The following TNIK variants were observed in gnomAD, a reference collection of about 807,000 sequenced individuals.
The protein encoded by TNIK is TRAF2 and NCK interacting kinase.
In TNIK, 49 loss-of-function variants were observed where a neutral mutation model predicts 191.3. The ratio of observed to expected loss-of-function variants is 0.26; its 90% CI spans 0.20 to 0.32. TNIK has a LOEUF of 0.32. Ranked by LOEUF, TNIK falls within the 10% of genes least tolerant of loss-of-function variation. The pLI, the probability that TNIK is intolerant of heterozygous loss-of-function variation, is 1.00. For missense variants in TNIK, 1,155 were observed against 1,702.3 expected (o/e 0.68, Z 5.66); for synonymous variants, 594 against 600.9 (o/e 0.99, Z 0.17).
Position 171,061,080 on chromosome 3 carries a change from A to G in TNIK, c.*2801T>C, listed in dbSNP as rs1414825641. Among the ~76,000 whole-genome samples, 1 of 152,136 alleles carries G rather than the reference A, an allele frequency of 6.6e-6. No homozygotes were observed. Among genetic ancestry groups the G allele is most frequent in the Non-Finnish European group, 1.5e-5 (1 of 68,012 alleles). On this transcript the variant is annotated 3_prime_UTR_variant, in exon 33 of 33. Transcript: ENST00000436636. ...AGCAACCGTTCCTCCCCTACCCCCA[A>G]AAAGAATTAAGGCAATTCAGAAAGT...
At chr3:171,246,828 T>C (rs1745645470) in intron 2 of TNIK, among the ~76,000 whole-genome samples, 1 of 152,170 alleles carries the variant, frequency 6.6e-6, no homozygotes, top group African/African-American at 2.4e-5. Context: ...GAAGTTGATA[T>C]TATGATGCGC....
chr3:171,088,585 C>A (rs911758936), intron 23 of TNIK, among the ~76,000 whole-genome samples: 2 of 152,272 alleles, frequency 1.3e-5, no homozygotes, highest in African/African-American at 4.8e-5. Context: ...AAATGTATGA[C>A]TTGTGAATAA....
At chr3:171,067,974 T>C (rs1576887258) in intron 30 of TNIK, among the ~76,000 whole-genome samples, 1 of 152,188 alleles carries the variant, frequency 6.6e-6, no homozygotes, top group Admixed American at 6.5e-5. Context: ...CTTTTAGTTA[T>C]TGCGTTTCAT....
chr3:171,400,573 A>AATAAATAAATAAATAAATAAATAC (rs1720805642), intron 1 of TNIK, among the ~76,000 whole-genome samples: 3 of 57,372 alleles, frequency 5.2e-5, no homozygotes, highest in Admixed American at 1.3e-4. Flanking sequence ...CCTATCTCAC[A>AATAAATAAATAAATAAATAAATAC]ATAAATAAAT....
intron 2 of TNIK, among the ~76,000 whole-genome samples, chr3:171,334,378 G>C (rs964311297): frequency 6.6e-6 from 1 of 152,150 alleles, no homozygotes; most frequent in African/African-American, 2.4e-5. Flanking sequence ...TGTTGGAAAA[G>C]ATGCCTGGGA....
At chr3:171,300,870 T>C (rs1413148062) in intron 2 of TNIK, among the ~76,000 whole-genome samples, 1 of 152,174 alleles carries the variant, frequency 6.6e-6, no homozygotes, top group African/African-American at 2.4e-5. Flanking sequence ...CCGTTTCCAC[T>C]CTTTCCTGGT....
At position 171,422,046 on chromosome 3, in the gene TNIK, CTT is replaced by C. The variant is rs1723872047; in HGVS notation, c.57+37959_57+37960del. On this transcript the variant is annotated intron_variant, in intron 1 of 32. Coordinates refer to ENST00000436636, the MANE Select transcript of TNIK (RefSeq NM_015028.4). ...CGCCCGACCAGTTGTGTAAATGAGA[CTT>C]AACTTTTCTGTGCTTTGTCTGTAAA... Among the ~76,000 whole-genome samples the C allele has an allele frequency of 2.6e-5, 4 of 152,080 alleles. No individual in the cohort carries two copies. In the South Asian group the frequency reaches 8.3e-4, roughly 32 times the overall value.
At position 171,256,168 on chromosome 3, in the gene TNIK, C is replaced by T. The variant is rs915097643; in HGVS notation, c.124-27947G>A. On this transcript the variant is annotated intron_variant, in intron 2 of 32. Transcript: ENST00000436636. Reference sequence around the variant, plus strand: ...CATGGCTGTTGTTTCGGGGTTTTTCCAAGCCTTGTTTTTTTTCATCAATTA... The same window carrying T: ...CATGGCTGTTGTTTCGGGGTTTTTCTAAGCCTTGTTTTTTTTCATCAATTA... Among the ~76,000 whole-genome samples the T allele has an allele frequency of 5.9e-5, 9 of 152,070 alleles. No individual in the cohort carries two copies. In the South Asian group the frequency reaches 1.2e-3, roughly 21 times the overall value.
intron 1 of TNIK, among the ~76,000 whole-genome samples, chr3:171,387,771 A>G (rs369157248): frequency 6.6e-6 from 1 of 152,206 alleles, no homozygotes. Context: ...ATTTCAAACC[A>G]CTAGGAGTGA....
intron 2 of TNIK, among the ~76,000 whole-genome samples, chr3:171,351,744 T>A (rs370205456): frequency 1.3e-5 from 2 of 152,182 alleles, no homozygotes; most frequent in Non-Finnish European, 2.9e-5. Context: ...ACTGCCAGAA[T>A]TGAGATCTCC....
chr3:171,093,056 G>A (rs1455577924), intron 23 of TNIK, among the ~76,000 whole-genome samples: 1 of 152,158 alleles, frequency 6.6e-6, no homozygotes, highest in Admixed American at 6.5e-5. Flanking sequence ...ATGGATGCAG[G>A]GAGAGGTCAG....
intron 25 of TNIK, 84 bp from the exon 26 acceptor site, chr3:171,084,409 CT>C: frequency 6.8e-7 from 1 of 1,465,434 alleles, no homozygotes; most frequent in South Asian, 1.4e-5. Flanking sequence ...ATGATTTCTC[CT>C]TGTTTGGTTT....
chr3:171,334,463 C>G (rs1756748414), intron 2 of TNIK, among the ~76,000 whole-genome samples: 1 of 152,174 alleles, frequency 6.6e-6, no homozygotes, highest in Admixed American at 6.5e-5. Context: ...CATCAGAGAC[C>G]TGCGAGGACC....
intron 2 of TNIK, among the ~76,000 whole-genome samples, chr3:171,367,127 A>G (rs1430360732): frequency 1.3e-5 from 2 of 152,216 alleles, no homozygotes; most frequent in African/African-American, 4.8e-5. Flanking sequence ...GATTTTATGT[A>G]TAAGGACCTC....
chr3:171,135,468 A>G (rs1729854984), intron 15 of TNIK, among the ~76,000 whole-genome samples: 1 of 152,224 alleles, frequency 6.6e-6, no homozygotes, highest in Admixed American at 6.5e-5. Flanking sequence ...CTCTCCTTCT[A>G]TCAACTAAAT....
At chr3:171,121,902 G>A (rs555771287) in intron 18 of TNIK, among the ~76,000 whole-genome samples, 44 of 151,930 alleles carry the variant, frequency 2.9e-4, no homozygotes, top group South Asian at 1.2e-3. Context: ...CCCAATCTCT[G>A]TCTTTCATTA....
chr3:171,263,721 CATT>C (rs939028705), intron 2 of TNIK, among the ~76,000 whole-genome samples: 2 of 151,598 alleles, frequency 1.3e-5, no homozygotes, highest in African/African-American at 2.4e-5. Flanking sequence ...TGACAAGAGC[CATT>C]ATTAGAAGAA....
intron 2 of TNIK, among the ~76,000 whole-genome samples, chr3:171,257,985 T>C (rs1039602941): frequency 2.6e-5 from 4 of 152,198 alleles, no homozygotes; most frequent in African/African-American, 7.2e-5. Flanking sequence ...TTGGAGATTG[T>C]CCCTAGCCAC....
chr3:171,316,998 TTA>T (rs983812925), intron 2 of TNIK, among the ~76,000 whole-genome samples: 1 of 115,658 alleles, frequency 8.6e-6, no homozygotes, highest in African/African-American at 3.2e-5. Flanking sequence ...AAATATATAA[TTA>T]TATGATATAT....
Sources: gnomAD v4.1 joint callset for allele counts (sites outside exome capture counted in the v4.1 genomes callset) on GRCh38, gnomAD v4.1.1 for gene constraint, MANE v1.5 for transcripts, NCBI Gene and HGNC (gene_info 2026-07-23, HGNC 2026-07-21) for gene names.